ARHGAP12: variants seen among roughly 807,000 people sequenced by gnomAD.
ARHGAP12 encodes the protein rho GTPase-activating protein 12.
A neutral mutation model predicts 108.6 loss-of-function variants in ARHGAP12; 64 were observed. That is an observed-to-expected ratio of 0.59 (90% confidence interval 0.48 to 0.73). ARHGAP12 has a LOEUF of 0.73. Ranked by LOEUF, ARHGAP12 falls within the 30% of genes least tolerant of loss-of-function variation. The pLI is 0.00. For missense variants in ARHGAP12, 940 were observed against 1,005.9 expected, an observed-to-expected ratio of 0.93 and a Z score of 0.89; for synonymous variants, 312 against 337.2, an observed-to-expected ratio of 0.93 and a Z score of 0.82.
chr10:31,886,437 T>G lies in ARHGAP12; in HGVS notation c.684+21735A>C, dbSNP rs533568173. 1.5e-4 allele frequency among the ~76,000 whole-genome samples: 23 copies of G among 152,316 alleles called. 2 individuals are homozygous for G. In the South Asian group the frequency reaches 4.8e-3, roughly 32 times the overall value. On this transcript the variant is annotated intron_variant, in intron 3 of 19. Transcript: ENST00000344936. ...ACCCAAGCCAAATGACACTGTGACT[T>G]TGGCCTTTAAATATAACACCTAAGA...
chr10:31,826,290 G>A lies in ARHGAP12; in HGVS notation c.1530+14C>T, dbSNP rs1835602377. 2 of 1,593,948 alleles carry A rather than the reference G, an allele frequency of 1.3e-6. No individual in the cohort carries two copies. The highest frequency in any genetic ancestry group is 1.7e-4 in the Middle Eastern group (1 of 5,998). Reference sequence around the variant, plus strand: ...TTTAAATGTATAAAATCTCCAAAGAGAAGAAATACTTACCCAACTTGTGCT... The same window carrying A: ...TTTAAATGTATAAAATCTCCAAAGAAAAGAAATACTTACCCAACTTGTGCT... On this transcript the variant is annotated intron_variant, in intron 11 of 19. Coordinates refer to ENST00000344936, the MANE Select transcript of ARHGAP12 (RefSeq NM_018287.7).
chr10:31,880,975 A>C (rs1428359319), intron 3 of ARHGAP12, among the ~76,000 whole-genome samples: 1 of 151,718 alleles, frequency 6.6e-6, no homozygotes, highest in African/African-American at 2.4e-5. Context: ...AGGTGGAAGG[A>C]TTACTTGAGC....
At chr10:31,817,943 T>C in intron 12 of ARHGAP12, 57 bp from the exon 13 acceptor site, 1 of 1,217,524 alleles carries the variant, frequency 8.2e-7, no homozygotes, top group Non-Finnish European at 1.2e-6. Context: ...TTCAGCAAAA[T>C]ACATGAATAC....
At chr10:31,882,882 C>T (rs1322471985) in intron 3 of ARHGAP12, among the ~76,000 whole-genome samples, 1 of 150,930 alleles carries the variant, frequency 6.6e-6, no homozygotes, top group Non-Finnish European at 1.5e-5. Flanking sequence ...ACACTGAAAG[C>T]TTCTAGTAAG....
chr10:31,816,452 T>A (rs1541259), intron 13 of ARHGAP12, among the ~76,000 whole-genome samples: 5 of 151,974 alleles, frequency 3.3e-5, no homozygotes, highest in African/African-American at 1.2e-4. Flanking sequence ...ATAATCTCAG[T>A]CTAGGAAAGT....
At chr10:31,844,938 T>A (rs1471526035) in intron 6 of ARHGAP12, among the ~76,000 whole-genome samples, 2 of 152,182 alleles carry the variant, frequency 1.3e-5, no homozygotes, top group Non-Finnish European at 2.9e-5. Flanking sequence ...GGAAGGGATA[T>A]TAAATGGAAA....
chr10:31,884,667 T>A (rs535505360), intron 3 of ARHGAP12, among the ~76,000 whole-genome samples: 1 of 152,366 alleles, frequency 6.6e-6, no homozygotes, highest in African/African-American at 2.4e-5. Flanking sequence ...CACTGTACAC[T>A]GGTCACTTGA....
At chr10:31,847,985 T>C (rs965720146) in intron 6 of ARHGAP12, among the ~76,000 whole-genome samples, 1 of 152,130 alleles carries the variant, frequency 6.6e-6, no homozygotes, top group African/African-American at 2.4e-5. Flanking sequence ...AACTGTCTGA[T>C]CTAGAGGGGC....
Position 31,807,318 on chromosome 10 carries a change from A to C in ARHGAP12, c.*340T>G, listed in dbSNP as rs1165917662. On this transcript the variant is annotated 3_prime_UTR_variant, in exon 20 of 20. Transcript: ENST00000344936. Reference sequence around the variant, plus strand: ...TCTTGAGAAGAAAGTACATTATCCAATTTCAGGGAAAAAAAATACAGTTTT... The same window carrying C: ...TCTTGAGAAGAAAGTACATTATCCACTTTCAGGGAAAAAAAATACAGTTTT... 1 of 174,928 alleles carries C rather than the reference A, an allele frequency of 5.7e-6. No homozygotes were observed. Among genetic ancestry groups the C allele is most frequent in the Non-Finnish European group, 1.2e-5 (1 of 83,248 alleles). The allele number at this position is 174,928 out of a possible 1,614,324, so 10.8% of individuals were successfully genotyped here. A position where few individuals can be genotyped will look rare whatever the true frequency, so the allele number is the denominator to read the frequency against.
intron 5 of ARHGAP12, 137 bp from the exon 6 acceptor site, chr10:31,852,734 T>G (rs1030678790): frequency 7.4e-5 from 25 of 336,800 alleles, no homozygotes; most frequent in African/African-American, 5.2e-4. Context: ...AAATTCTTTT[T>G]TTTTTTTTTT....
intron 15 of ARHGAP12, 179 bp downstream of exon 15, chr10:31,812,527 GT>G (rs1835058663): frequency 4.6e-6 from 2 of 432,084 alleles, no homozygotes; most frequent in East Asian, 3.9e-5. Flanking sequence ...CACTACTTTA[GT>G]TAAAATAAAC....
intron 6 of ARHGAP12, among the ~76,000 whole-genome samples, chr10:31,846,141 C>T (rs896769959): frequency 6.6e-6 from 1 of 152,102 alleles, no homozygotes; most frequent in Non-Finnish European, 1.5e-5. Flanking sequence ...ATAATAGAAA[C>T]CCTACCAAAA....
intron 3 of ARHGAP12, among the ~76,000 whole-genome samples, chr10:31,875,315 T>TA (rs1837689834): frequency 1.3e-5 from 2 of 152,106 alleles, no homozygotes; most frequent in Admixed American, 6.5e-5. Flanking sequence ...ACTCAAAACT[T>TA]AAAGTTTACC....
At chr10:31,835,938 CGTT>C (rs1181405906) in intron 9 of ARHGAP12, among the ~76,000 whole-genome samples, 2 of 151,972 alleles carry the variant, frequency 1.3e-5, no homozygotes, top group African/African-American at 2.4e-5. Context: ...TAGCCACACA[CGTT>C]GTAAATATAT....
chr10:31,869,004 A>C (rs988897230), intron 3 of ARHGAP12, among the ~76,000 whole-genome samples: 1 of 152,218 alleles, frequency 6.6e-6, no homozygotes, highest in African/African-American at 2.4e-5. Flanking sequence ...CTTAGGGCAA[A>C]CTAGCCTCTT....
chr10:31,907,473 ATT>A (rs34637757), intron 3 of ARHGAP12, among the ~76,000 whole-genome samples: 8 of 103,978 alleles, frequency 7.7e-5, no homozygotes, highest in East Asian at 2.0e-4. Context: ...AAAAAAAAAA[ATT>A]TTTTTTTAAT....
chr10:31,864,230 G>T (rs544138325), intron 3 of ARHGAP12, among the ~76,000 whole-genome samples: 1 of 152,158 alleles, frequency 6.6e-6, no homozygotes, highest in South Asian at 2.1e-4. Context: ...TCATGAATTG[G>T]CCAGATTTTT....
chr10:31,908,186 T>C lies in ARHGAP12; in HGVS notation c.670A>G (p.Thr224Ala). 6.2e-7 allele frequency: 1 copy of C among 1,603,858 alleles called. No individual in the cohort carries two copies. The highest frequency in any genetic ancestry group is 8.5e-7 in the Non-Finnish European group (1 of 1,175,396). Residue 224 changes from threonine to alanine, a missense_variant, in exon 3 of 20, where the codon ACT becomes GCT. Coordinates refer to ENST00000344936, the MANE Select transcript of ARHGAP12 (RefSeq NM_018287.7). ...ESGDELSSSS[T>A]EQIRATTPPN... ...TTTAATCTTACCCTTATCTGTTCAG[T>C]GGAGCTGCTGCTAAGTTCATCACCA...
At chr10:31,852,413 TG>T in intron 6 of ARHGAP12, 103 bp downstream of exon 6, 1 of 984,954 alleles carries the variant, frequency 1.0e-6, no homozygotes, top group Non-Finnish European at 1.6e-6. Flanking sequence ...TATTCTACTT[TG>T]TAAAAGTAGA....
Sources: allele counts gnomAD v4.1 joint callset (sites outside exome capture counted in the v4.1 genomes callset), GRCh38; gene constraint gnomAD v4.1.1; transcripts MANE v1.5; gene names NCBI Gene and HGNC (gene_info 2026-07-23, HGNC 2026-07-21).